Variants in ACAP2 observed in about 807,000 individuals in gnomAD.
The protein encoded by ACAP2 is arf-GAP with coiled-coil, ANK repeat and PH domain-containing protein 2.
Under a neutral mutation model 115.8 loss-of-function variants are expected in ACAP2, and 39 were observed. The ratio of observed to expected loss-of-function variants is 0.34; its 90% confidence interval spans 0.26 to 0.44. The LOEUF (loss-of-function observed/expected upper bound fraction) is 0.44, where lower values mean the gene tolerates loss of function less well. Among genes scored for constraint, ACAP2 ranks in the 20% least tolerant of loss-of-function variants. The probability of loss-of-function intolerance (pLI) is 1.00; values close to 1 mark genes in which losing one functional copy is unlikely to be tolerated. For missense variants in ACAP2, 662 were observed against 927.6 expected, an observed-to-expected ratio of 0.71 and a Z score of 3.72; for synonymous variants, 289 against 315.8, an observed-to-expected ratio of 0.92 and a Z score of 0.90.
chr3:195,317,594 A>T (rs1470751448), intron 10 of ACAP2, among the ~76,000 whole-genome samples: 2 of 152,224 alleles, frequency 1.3e-5, no homozygotes, highest in African/African-American at 4.8e-5. Flanking sequence ...TTAATGTCTG[A>T]AGTTATTTCA....
intron 1 of ACAP2, among the ~76,000 whole-genome samples, chr3:195,411,223 A>G (rs549068520): frequency 3.0e-4 from 45 of 152,308 alleles, no homozygotes; most frequent in African/African-American, 1.1e-3. Context: ...GTACTATGGC[A>G]ACACTTCAAA....
rs187664992 is a variant in ACAP2 at position 195,356,361 on chromosome 3, C to T, written c.286-11044G>A. 5.0e-5 allele frequency: 18 copies of T among 357,192 alleles called. No individual in the cohort carries two copies. In the East Asian group the frequency reaches 1.0e-3, roughly 21 times the overall value. The allele number at this position is 357,192 out of a possible 1,614,324, so 22.1% of individuals were successfully genotyped here. On this transcript the variant is annotated intron_variant, in intron 4 of 22. Coordinates refer to ENST00000326793, the MANE Select transcript of ACAP2 (RefSeq NM_012287.6). ...TTTCTGCAAGCCTCGCCACCACAGG[C>T]TAAAGTGCTCTGGGGTCCTAAATAA...
At chr3:195,426,720 T>C (rs191620667) in intron 1 of ACAP2, among the ~76,000 whole-genome samples, 2 of 152,250 alleles carry the variant, frequency 1.3e-5, no homozygotes, top group Admixed American at 1.3e-4. Flanking sequence ...TTTATACTAT[T>C]AAATTAAAAA....
chr3:195,281,422 G>GAAAA (rs778787972), intron 22 of ACAP2, among the ~76,000 whole-genome samples: 1 of 151,660 alleles, frequency 6.6e-6, no homozygotes, highest in Non-Finnish European at 1.5e-5. Context: ...GAAAAAAAAG[G>GAAAA]AAAAAAAATC....
intron 8 of ACAP2, among the ~76,000 whole-genome samples, chr3:195,328,630 T>C (rs1729961086): frequency 6.6e-6 from 1 of 152,256 alleles, no homozygotes; most frequent in African/African-American, 2.4e-5. Flanking sequence ...CTAGGGGTTT[T>C]ATGGCTCTGA....
At chr3:195,281,249 C>G (rs1021294943) in intron 22 of ACAP2, among the ~76,000 whole-genome samples, 1 of 151,766 alleles carries the variant, frequency 6.6e-6, no homozygotes. Flanking sequence ...ATTAAAAATA[C>G]AAAAAATTAG....
chr3:195,436,703 A>T (rs1225500252), intron 1 of ACAP2, among the ~76,000 whole-genome samples: 1 of 152,236 alleles, frequency 6.6e-6, no homozygotes, highest in Non-Finnish European at 1.5e-5. Flanking sequence ...AAATTGAAGA[A>T]AAAAGTACTG....
At chr3:195,343,203 T>C (rs1166318325) in intron 5 of ACAP2, among the ~76,000 whole-genome samples, 2 of 152,120 alleles carry the variant, frequency 1.3e-5, no homozygotes, top group East Asian at 3.8e-4. Flanking sequence ...CTAATTAACA[T>C]TACAGAAACA....
chr3:195,442,278 G>T (rs1288466301), intron 1 of ACAP2: 1 of 153,650 alleles, frequency 6.5e-6, no homozygotes, highest in African/African-American at 2.4e-5. Flanking sequence ...CGGCGTCCCA[G>T]TTCGCCCCCT....
At chr3:195,333,172 C>T in intron 7 of ACAP2, 49 bp from the exon 8 acceptor site, 3 of 991,254 alleles carry the variant, frequency 3.0e-6, no homozygotes, top group South Asian at 1.5e-5. Context: ...CCTAGATAGA[C>T]ATTCTGAAAT....
chr3:195,385,347 G>A (rs73893623), intron 2 of ACAP2, among the ~76,000 whole-genome samples: 3,406 of 142,370 alleles, frequency 0.024, 131 homozygotes, highest in African/African-American at 0.084. Context: ...TTTTCCTATT[G>A]TTGTTTGCTT....
intron 11 of ACAP2, among the ~76,000 whole-genome samples, chr3:195,307,555 A>C (rs80053529): frequency 0.022 from 3,287 of 152,282 alleles, 117 homozygotes; most frequent in East Asian, 0.1. Flanking sequence ...ATATAAAGAG[A>C]CTGGTCCAAC....
At chr3:195,300,205 C>T (rs1727957977) in intron 15 of ACAP2, among the ~76,000 whole-genome samples, 2 of 151,834 alleles carry the variant, frequency 1.3e-5, no homozygotes, top group African/African-American at 2.4e-5. Context: ...TGCCACCACG[C>T]CTGGCTAATT....
chr3:195,297,732 T>C lies in ACAP2; in HGVS notation c.1396-451A>G, dbSNP rs1296263142. 2.6e-5 allele frequency among the ~76,000 whole-genome samples: 4 copies of C among 152,374 alleles called. No individual in the cohort carries two copies. In the East Asian group the frequency reaches 7.7e-4, roughly 29 times the overall value. On this transcript the variant is annotated intron_variant, in intron 15 of 22. Coordinates refer to ENST00000326793, the MANE Select transcript of ACAP2 (RefSeq NM_012287.6). Reference sequence around the variant, plus strand: ...TTTTCACATCTAGTTCCTAGAAATATGCAAATCTATCAAATTTACAACTTT... The same window carrying C: ...TTTTCACATCTAGTTCCTAGAAATACGCAAATCTATCAAATTTACAACTTT...
intron 11 of ACAP2, among the ~76,000 whole-genome samples, chr3:195,308,507 C>A (rs1728559120): frequency 6.6e-6 from 1 of 152,012 alleles, no homozygotes; most frequent in South Asian, 2.1e-4. Context: ...CTAATATATA[C>A]CATTTAAAAG....
rs1728566340 is a variant in ACAP2 at position 195,308,652 on chromosome 3, C to A, written c.909+134G>T. On this transcript the variant is annotated intron_variant, in intron 11 of 22. Coordinates refer to ENST00000326793, the MANE Select transcript of ACAP2 (RefSeq NM_012287.6). ...TTTTCCACCCTAGAGTCCTCTTATA[C>A]CTGCTCAAACATAAAACTAATAAAT... 3 of 755,898 alleles carry A rather than the reference C, an allele frequency of 4.0e-6. 1 individual carries two copies. Among genetic ancestry groups the A allele is most frequent in the South Asian group, 3.8e-5 (2 of 52,526 alleles). 46.8% of individuals were successfully genotyped at this position (755,898 alleles called of 1,614,324 possible). A position where few individuals can be genotyped will look rare whatever the true frequency, so the allele number is the denominator to read the frequency against.
chr3:195,366,494 G>A (rs977780278), intron 4 of ACAP2, among the ~76,000 whole-genome samples: 2 of 152,112 alleles, frequency 1.3e-5, no homozygotes, highest in African/African-American at 2.4e-5. Context: ...AAACATTACC[G>A]CCATCACCTG....
At chr3:195,409,791 G>A (rs1577434573) in intron 1 of ACAP2, among the ~76,000 whole-genome samples, 1 of 132,372 alleles carries the variant, frequency 7.6e-6, no homozygotes, top group East Asian at 2.5e-4. Flanking sequence ...CAAGAGAATT[G>A]CTTGAACCTG....
At chr3:195,321,302 A>G (rs937179692) in intron 9 of ACAP2, among the ~76,000 whole-genome samples, 9 of 148,866 alleles carry the variant, frequency 6.0e-5, no homozygotes, top group African/African-American at 2.2e-4. Context: ...AGCTCACTAC[A>G]ACCTCTGCCT....
Sources: gnomAD v4.1 joint callset for allele counts (sites outside exome capture counted in the v4.1 genomes callset) on GRCh38, gnomAD v4.1.1 for gene constraint, MANE v1.5 for transcripts, NCBI Gene and HGNC (gene_info 2026-07-23, HGNC 2026-07-21) for gene names.